Variants in TDP1 observed in about 807,000 individuals in gnomAD.
TDP1 encodes tyr-DNA phosphodiesterase 1.
A neutral mutation model predicts 81.5 loss-of-function variants in TDP1; 64 were observed. The observed-to-expected ratio is 0.79, with a 90% CI of 0.64 to 0.97. The LOEUF is 0.97. TDP1 is among the 50% of genes least tolerant of loss of function. The probability of loss-of-function intolerance (pLI) is 0.00; values close to 1 mark genes in which losing one functional copy is unlikely to be tolerated. For missense variants in TDP1, 723 were observed against 743.8 expected (o/e 0.97, Z 0.33); for synonymous variants, 256 against 264.3 (o/e 0.97, Z 0.30).
chr14:90,014,415 A>G (rs759879752), intron 14 of TDP1, among the ~76,000 whole-genome samples: 41 of 152,240 alleles, frequency 2.7e-4, no homozygotes, highest in Admixed American at 3.9e-4. Flanking sequence ...TGGCACACAC[A>G]CTGCCGTGGA....
At chr14:90,016,758 G>C (rs772236975) in intron 14 of TDP1, among the ~76,000 whole-genome samples, 10 of 151,912 alleles carry the variant, frequency 6.6e-5, no homozygotes, top group Non-Finnish European at 1.2e-4. Flanking sequence ...CAATTTCCTA[G>C]TTATGTTTCT....
At chr14:89,980,208 G>C (rs1894816248) in intron 7 of TDP1, 1 of 985,288 alleles carries the variant, frequency 1.0e-6, no homozygotes, top group Admixed American at 6.1e-5. Flanking sequence ...TCAAACACCA[G>C]ACCAGAAGGT....
chr14:90,011,024 G>A (rs1178532052), intron 14 of TDP1, among the ~76,000 whole-genome samples: 6 of 152,162 alleles, frequency 3.9e-5, no homozygotes, highest in African/African-American at 1.2e-4. Flanking sequence ...AGTCATGGGG[G>A]TGGGTTTTCC....
intron 14 of TDP1, among the ~76,000 whole-genome samples, chr14:90,007,106 A>G (rs1008156475): frequency 3.3e-5 from 5 of 151,976 alleles, no homozygotes; most frequent in African/African-American, 1.2e-4. Context: ...AAGTTTACTC[A>G]TTTCTTTGTT....
intron 5 of TDP1, among the ~76,000 whole-genome samples, chr14:89,968,725 AT>A (rs1280774757): frequency 3.9e-5 from 6 of 152,094 alleles, no homozygotes; most frequent in African/African-American, 1.4e-4. Context: ...TCACATTGGC[AT>A]TTTCTGTTCT....
intron 14 of TDP1, among the ~76,000 whole-genome samples, chr14:90,000,297 G>C (rs1428014825): frequency 6.6e-6 from 1 of 152,182 alleles, no homozygotes; most frequent in African/African-American, 2.4e-5. Context: ...AATTATGCAA[G>C]TGAAACTCTA....
intron 15 of TDP1, among the ~76,000 whole-genome samples, chr14:90,028,087 T>C (rs1036765903): frequency 1.3e-5 from 2 of 152,230 alleles, no homozygotes; most frequent in African/African-American, 4.8e-5. Context: ...AAACCCATCC[T>C]TCAAAATCCT....
intron 2 of TDP1, 131 bp downstream of exon 2, chr14:89,956,931 T>C (rs1891724764): frequency 6.6e-6 from 1 of 152,258 alleles, no homozygotes; most frequent in Non-Finnish European, 1.5e-5. Context: ...CTCCCCTTCT[T>C]AAAGCCCTCA....
intron 14 of TDP1, among the ~76,000 whole-genome samples, chr14:90,003,351 A>C (rs1268155410): frequency 6.6e-6 from 1 of 152,238 alleles, no homozygotes; most frequent in Admixed American, 6.5e-5. Context: ...TGAACTTATT[A>C]GGATGTTATA....
chr14:89,960,839 T>TA (rs1892243824), intron 2 of TDP1, among the ~76,000 whole-genome samples: 1 of 152,234 alleles, frequency 6.6e-6, no homozygotes, highest in Non-Finnish European at 1.5e-5. Context: ...AAGGGATAGA[T>TA]ACCTTTAAAG....
At chr14:90,022,994 T>G in intron 15 of TDP1, 1 of 755,032 alleles carries the variant, frequency 1.3e-6, no homozygotes, top group Non-Finnish European at 2.4e-6. Flanking sequence ...CCATACTCAC[T>G]TCAGTCCCAC....
intron 15 of TDP1, among the ~76,000 whole-genome samples, chr14:90,025,061 C>A (rs1886494420): frequency 6.6e-6 from 1 of 152,222 alleles, no homozygotes; most frequent in Admixed American, 6.5e-5. Flanking sequence ...CCACTTTTGT[C>A]CTTCACCAGT....
In TDP1 at chr14:89,988,951, C is replaced by T. The variant is rs756869320; in HGVS notation, c.1178C>T (p.Pro393Leu). 1.2e-6 allele frequency: 2 copies of T among 1,614,186 alleles called. No individual in the cohort carries two copies. Among genetic ancestry groups the T allele is most frequent in the Admixed American group, 3.3e-5 (2 of 60,022 alleles). Reference protein sequence around the residue: ...ASSMPNAESWPVVGQFSSVGS... With the variant: ...ASSMPNAESWLVVGQFSSVGS... ...TCCATGCCTAACGCAGAGTCCTGGC[C>T]TGTCGTAGGTCAGTTTTCAAGCGTT... The change falls in exon 11 of 17, where the codon CCT becomes CTT. Residue 393 changes from proline (P) to leucine (L), a missense_variant. Coordinates refer to ENST00000335725, the MANE Select transcript of TDP1 (RefSeq NM_018319.4).
chr14:90,006,819 G>A (rs539905483), intron 14 of TDP1, among the ~76,000 whole-genome samples: 5 of 152,252 alleles, frequency 3.3e-5, no homozygotes, highest in South Asian at 2.1e-4. Context: ...GATTACAGGC[G>A]TGAGGCACCA....
Position 89,984,687 on chromosome 14 carries a change from T to G in TDP1, c.1052+4T>G. On this transcript the variant is annotated splice_donor_region_variant and intron_variant, in intron 9 of 16. Coordinates refer to ENST00000335725, the MANE Select transcript of TDP1 (RefSeq NM_018319.4). ...AGCACGATCTCTCTGAAACAAAGTA[T>G]GTGTCAGCTTATCAATTTGGGGTGC... 6.2e-7 allele frequency: 1 copy of G among 1,613,646 alleles called. No individual in the cohort carries two copies. Among genetic ancestry groups the G allele is most frequent in the South Asian group, 1.1e-5 (1 of 91,078 alleles).
chr14:89,979,261 G>A (rs145451953), intron 7 of TDP1, among the ~76,000 whole-genome samples: 147 of 151,948 alleles, frequency 9.7e-4, no homozygotes, highest in African/African-American at 3.4e-3. Context: ...ATAAAGCTGT[G>A]TACCAAAGGA....
At chr14:90,038,793 G>A (rs948037571) in intron 16 of TDP1, among the ~76,000 whole-genome samples, 2 of 151,888 alleles carry the variant, frequency 1.3e-5, no homozygotes, top group Non-Finnish European at 2.9e-5. Context: ...AGCTGAGATC[G>A]TGTCACTGCA....
chr14:90,005,010 A>G (rs1897535495), intron 14 of TDP1, among the ~76,000 whole-genome samples: 2 of 152,216 alleles, frequency 1.3e-5, no homozygotes, highest in Non-Finnish European at 2.9e-5. Context: ...TATGGGACTC[A>G]GGAAAACAAA....
intron 14 of TDP1, among the ~76,000 whole-genome samples, chr14:89,999,082 C>G (rs903270278): frequency 2.0e-5 from 3 of 152,144 alleles, no homozygotes; most frequent in Non-Finnish European, 4.4e-5. Flanking sequence ...TGTCTCTCAA[C>G]AGGGCACTAT....
Sources: allele counts gnomAD v4.1 joint callset (sites outside exome capture counted in the v4.1 genomes callset), GRCh38; gene constraint gnomAD v4.1.1; transcripts MANE v1.5; gene names NCBI Gene and HGNC (gene_info 2026-07-23, HGNC 2026-07-21).